PRMT8: variants seen among roughly 807,000 people sequenced by gnomAD.
The protein encoded by PRMT8 is protein arginine N-methyltransferase 8.
In PRMT8, 7 loss-of-function variants were observed where a neutral mutation model predicts 47.1. That is an observed-to-expected ratio of 0.15 (90% CI 0.08 to 0.28). The LOEUF is 0.28. PRMT8 is among the 10% of genes least tolerant of loss of function. PRMT8 has a pLI of 1.00. For missense variants in PRMT8, 237 were observed against 505.4 expected (o/e 0.47, Z 5.09); for synonymous variants, 188 against 186.5 (o/e 1.01, Z -0.07).
intron 7 of PRMT8, among the ~76,000 whole-genome samples, chr12:3,581,334 T>C (rs1235979586): frequency 1.3e-5 from 2 of 152,190 alleles, no homozygotes; most frequent in Non-Finnish European, 2.9e-5. Context: ...TTTGGCTTCT[T>C]CTGTGGGTGG....
chr12:3,495,210 A>G (rs1297932000), intron 1 of PRMT8, among the ~76,000 whole-genome samples: 1 of 152,178 alleles, frequency 6.6e-6, no homozygotes, highest in Non-Finnish European at 1.5e-5. Context: ...ATCAAGCCTC[A>G]TAATCCTACT....
At chr12:3,555,429 T>A (rs918937274) in intron 4 of PRMT8, among the ~76,000 whole-genome samples, 25 of 152,196 alleles carry the variant, frequency 1.6e-4, no homozygotes, top group African/African-American at 5.5e-4. Flanking sequence ...TGGGATGGAC[T>A]GAGCTTGGCA....
chr12:3,468,601 G>A (rs971326711), intron 1 of PRMT8, among the ~76,000 whole-genome samples: 1 of 152,216 alleles, frequency 6.6e-6, no homozygotes, highest in Non-Finnish European at 1.5e-5. Context: ...CAACTCTTGA[G>A]TCCTGATGGG....
intron 1 of PRMT8, among the ~76,000 whole-genome samples, chr12:3,427,467 C>G (rs900341862): frequency 6.6e-6 from 1 of 152,098 alleles, no homozygotes; most frequent in African/African-American, 2.4e-5. Context: ...CGTTTTAAAA[C>G]TTGCTTAAAC....
chr12:3,439,969 T>G (rs1864781834), intron 1 of PRMT8, among the ~76,000 whole-genome samples: 1 of 152,078 alleles, frequency 6.6e-6, no homozygotes, highest in Non-Finnish European at 1.5e-5. Flanking sequence ...GAGCACTGGG[T>G]GTTAGGACCT....
chr12:3,575,933 C>T (rs576483838), intron 6 of PRMT8, among the ~76,000 whole-genome samples: 13 of 152,304 alleles, frequency 8.5e-5, no homozygotes, highest in African/African-American at 3.1e-4. Flanking sequence ...GCAGGAAAAC[C>T]ACTTGAGCCC....
At chr12:3,554,427 G>T (rs1457128545) in intron 4 of PRMT8, among the ~76,000 whole-genome samples, 1 of 152,230 alleles carries the variant, frequency 6.6e-6, no homozygotes, top group East Asian at 1.9e-4. Flanking sequence ...ACATCAGAAA[G>T]GCAGACAGGG....
chr12:3,417,758 T>C (rs1864498305), intron 1 of PRMT8, among the ~76,000 whole-genome samples: 1 of 152,216 alleles, frequency 6.6e-6, no homozygotes, highest in Admixed American at 6.5e-5. Context: ...TTCCCATTAT[T>C]GAAGGGACTT....
chr12:3,449,859 G>C (rs1428701439), intron 1 of PRMT8, among the ~76,000 whole-genome samples: 1 of 151,888 alleles, frequency 6.6e-6, no homozygotes, highest in East Asian at 1.9e-4. Flanking sequence ...TTATAGTTTT[G>C]GGTTTTACAT....
At chr12:3,425,002 C>T (rs1321742581) in intron 1 of PRMT8, among the ~76,000 whole-genome samples, 1 of 152,186 alleles carries the variant, frequency 6.6e-6, no homozygotes. Flanking sequence ...CGAAGCTGCT[C>T]CTGTCCACTT....
chr12:3,553,540 G>A (rs559371244), intron 3 of PRMT8, 111 bp from the exon 4 acceptor site: 5 of 911,502 alleles, frequency 5.5e-6, no homozygotes, highest in East Asian at 4.8e-5. Context: ...ATGCAGCCGT[G>A]GGCAAGTCAC....
At chr12:3,401,311 T>G (rs1258157608) in intron 1 of PRMT8, among the ~76,000 whole-genome samples, 1 of 152,084 alleles carries the variant, frequency 6.6e-6, no homozygotes, top group Non-Finnish European at 1.5e-5. Context: ...AACTAGGTAT[T>G]GAGGAATATA....
chr12:3,408,683 G>A (rs1864397331), intron 1 of PRMT8, among the ~76,000 whole-genome samples: 1 of 152,146 alleles, frequency 6.6e-6, no homozygotes, highest in South Asian at 2.1e-4. Flanking sequence ...TGCATCTGGT[G>A]GAACAGCTAC....
rs1414031542 is a variant in PRMT8, at chr12:3,508,477, G to A, written c.75+16777G>A. 3.3e-5 allele frequency among the ~76,000 whole-genome samples: 5 copies of A among 152,202 alleles called. No individual in the cohort carries two copies. Among genetic ancestry groups the A allele is most frequent in the Non-Finnish European group, 5.9e-5 (4 of 68,032 alleles). On this transcript the variant is annotated intron_variant, in intron 1 of 9. Coordinates refer to ENST00000382622, the MANE Select transcript of PRMT8 (RefSeq NM_019854.5). This position sits in a 1 kb window ranked among gnomAD's most constrained non-coding sequence, Gnocchi z 4.9. ...CTGAACGCGGGAGAGTGTGTTTCCT[G>A]TGAGAAACATGTTAAGGTGAGGCCG...
rs1266160216 is a variant in PRMT8, at chr12:3,576,514, G to A, written c.713-357G>A. 6.6e-6 allele frequency among the ~76,000 whole-genome samples: 1 copy of A among 152,178 alleles called. No individual in the cohort carries two copies. The highest frequency in any genetic ancestry group is 1.5e-5 in the Non-Finnish European group (1 of 68,028). On this transcript the variant is annotated intron_variant, in intron 6 of 9. Transcript: ENST00000382622. This position sits in a 1 kb window ranked among gnomAD's most constrained non-coding sequence, Gnocchi z 4.0. ...AGAAGACAGATAAGGGAGTTCATAGGAGACGCTGCTGGCTTGGGGAGGGGA... is the reference window on the plus strand; with the variant it reads ...AGAAGACAGATAAGGGAGTTCATAGAAGACGCTGCTGGCTTGGGGAGGGGA...
intron 1 of PRMT8, among the ~76,000 whole-genome samples, chr12:3,529,228 T>C (rs1449190941): frequency 6.6e-6 from 1 of 152,236 alleles, no homozygotes; most frequent in Non-Finnish European, 1.5e-5. Flanking sequence ...GTTCCTGTTC[T>C]CTGTATGGTA....
chr12:3,567,066 A>G (rs1445207549), intron 4 of PRMT8, among the ~76,000 whole-genome samples: 2 of 152,232 alleles, frequency 1.3e-5, no homozygotes, highest in African/African-American at 2.4e-5. Context: ...AAGGTGACTC[A>G]TAAGAAGAAG....
At chr12:3,459,353 G>T (rs146859561) in intron 1 of PRMT8, among the ~76,000 whole-genome samples, 2 of 152,000 alleles carry the variant, frequency 1.3e-5, no homozygotes, top group South Asian at 2.1e-4. Context: ...TATTAGCCAC[G>T]ATTTGAAGCC....
intron 1 of PRMT8, among the ~76,000 whole-genome samples, chr12:3,413,544 G>A (rs959849631): frequency 2.0e-5 from 3 of 152,174 alleles, no homozygotes; most frequent in African/African-American, 4.8e-5. Flanking sequence ...GTCTTCAGGG[G>A]CAATAACAGG....
Sources: allele counts gnomAD v4.1 joint callset (sites outside exome capture counted in the v4.1 genomes callset), GRCh38; gene constraint gnomAD v4.1.1; non-coding constraint Gnocchi (gnomAD v3.1); transcripts MANE v1.5; gene names NCBI Gene and HGNC (gene_info 2026-07-23, HGNC 2026-07-21).